The following TMC2 variants were observed in gnomAD, a reference collection of about 807,000 sequenced individuals.
TMC2 encodes the protein transmembrane channel like 2, also known as transmembrane channel-like protein 2.
Under a neutral mutation model 105.9 loss-of-function variants are expected in TMC2, and 102 were observed. The observed-to-expected ratio is 0.96, with a 90% confidence interval of 0.82 to 1.14. The LOEUF (loss-of-function observed/expected upper bound fraction) is 1.14, where lower values mean the gene tolerates loss of function less well. Ranked by LOEUF, TMC2 falls within the 50% of genes most tolerant of loss-of-function variation. The pLI, the probability that TMC2 is intolerant of heterozygous loss-of-function variation, is 0.00. For missense variants in TMC2, 1,093 were observed against 1,134.3 expected (o/e 0.96, Z 0.52); for synonymous variants, 402 against 422.8 (o/e 0.95, Z 0.60).
At chr20:2,590,535 T>C (rs1047119073) in intron 7 of TMC2, among the ~76,000 whole-genome samples, 1 of 151,976 alleles carries the variant, frequency 6.6e-6, no homozygotes, top group Non-Finnish European at 1.5e-5. Flanking sequence ...GAAGAACCTA[T>C]AAATTAAGAA....
intron 6 of TMC2, 128 bp from the exon 7 acceptor site, chr20:2,579,822 G>A: frequency 1.7e-6 from 1 of 590,648 alleles, no homozygotes; most frequent in East Asian, 2.9e-5. Flanking sequence ...TCCAGGAAAA[G>A]AAAGGGAGAT....
chr20:2,610,568 C>T lies in TMC2; in HGVS notation c.1563C>T (p.Leu521=). ...ALFLGNLYTF[L]LALMDDVHLK... is the part of the protein sequence containing the mutation. ...TCCTGGGGAACCTCTACACATTTCT[C>T]TTGGCCCTGATGGATGACGTCCACC... The change falls in exon 12 of 20, where the codon CTC becomes CTT. Residue 521 remains leucine (L), a synonymous_variant. Transcript: ENST00000358864. The T allele has an allele frequency of 3.1e-6, 5 of 1,608,072 alleles. No individual in the cohort carries two copies. The highest frequency in any genetic ancestry group is 1.7e-6 in the Non-Finnish European group (2 of 1,176,762).
At position 2,572,281 on chromosome 20, in the gene TMC2, G is replaced by A. The variant is rs747837186; in HGVS notation, c.645+12G>A. 1.1e-5 allele frequency: 18 copies of A among 1,599,352 alleles called. No homozygotes were observed. In the South Asian group the frequency reaches 1.2e-4, roughly 11 times the overall value. ...TGCTGATGGCCAAGGTGTGTGGGGT[G>A]GGGGCAGTGAATCTGTTGGGAGGGC... On this transcript the variant is annotated intron_variant, in intron 5 of 19. Coordinates refer to ENST00000358864, the MANE Select transcript of TMC2 (RefSeq NM_080751.3).
intron 17 of TMC2, among the ~76,000 whole-genome samples, chr20:2,632,313 C>G (rs1195013852): frequency 6.6e-6 from 1 of 152,088 alleles, no homozygotes; most frequent in Non-Finnish European, 1.5e-5. Flanking sequence ...ATTTCAACTC[C>G]AGAATTTCTA....
At chr20:2,595,255 C>T (rs983658301) in intron 9 of TMC2, among the ~76,000 whole-genome samples, 5 of 152,320 alleles carry the variant, frequency 3.3e-5, no homozygotes, top group Admixed American at 6.5e-5. Context: ...TGCAAAGGCC[C>T]TGAGGCCGCA....
Position 2,592,826 on chromosome 20 carries a change from CTT to C in TMC2, c.933+422_933+423del, listed in dbSNP as rs1344907946. 1.3e-5 allele frequency among the ~76,000 whole-genome samples: 2 copies of C among 152,328 alleles called. No individual in the cohort carries two copies. Among genetic ancestry groups the C allele is most frequent in the East Asian group, 3.9e-4 (2 of 5,186 alleles). ...ACCTATCCAGCCAAAACCCACATCT[CTT>C]TTTCCCAGCTCCTTTATTGGAATCA... On this transcript the variant is annotated intron_variant, in intron 8 of 19. Coordinates refer to ENST00000358864, the MANE Select transcript of TMC2 (RefSeq NM_080751.3). This position sits in a 1 kb window ranked among gnomAD's most constrained non-coding sequence, Gnocchi z 4.9.
At chr20:2,541,854 T>A (rs2122792957) in intron 2 of TMC2, among the ~76,000 whole-genome samples, 1 of 152,096 alleles carries the variant, frequency 6.6e-6, no homozygotes, top group Admixed American at 6.5e-5. Context: ...ATCCCATTAT[T>A]GACTTATTTT....
intron 2 of TMC2, among the ~76,000 whole-genome samples, chr20:2,549,486 T>G (rs62195065): frequency 0.062 from 9,448 of 152,318 alleles, 419 homozygotes; most frequent in Non-Finnish European, 0.09. Context: ...CTTACGTCTG[T>G]AATCCCAGCA....
intron 2 of TMC2, among the ~76,000 whole-genome samples, chr20:2,543,670 C>T (rs2085905482): frequency 6.6e-6 from 1 of 152,160 alleles, no homozygotes; most frequent in Non-Finnish European, 1.5e-5. Flanking sequence ...CATCTTAATA[C>T]AGACACTAAG....
intron 13 of TMC2, among the ~76,000 whole-genome samples, chr20:2,612,881 T>C (rs2086451789): frequency 6.6e-6 from 1 of 152,184 alleles, no homozygotes; most frequent in Non-Finnish European, 1.5e-5. Flanking sequence ...ATAGTCAATT[T>C]AACAGGCAAT....
chr20:2,614,023 A>G (rs1353677778), intron 14 of TMC2: 3 of 142,316 alleles, frequency 2.1e-5, no homozygotes, highest in Non-Finnish European at 4.5e-5. Flanking sequence ...TGGCCCAGGT[A>G]AGGGCCCCAG....
At chr20:2,586,272 C>A (rs73572240) in intron 7 of TMC2, among the ~76,000 whole-genome samples, 1,670 of 152,178 alleles carry the variant, frequency 0.011, 32 homozygotes, top group African/African-American at 0.038. Flanking sequence ...TGCACCAACA[C>A]AACAAACATA....
rs193154242 is a variant in TMC2 at position 2,641,124 on chromosome 20, C to T, written c.2504-10C>T. ...CCACTTCCTCTTTCTTGTCTTGGTT[C>T]GTTTTCCAGAGACCACTCCTCCCTC... is the stretch of plus-strand genomic sequence containing the variant. On this transcript the variant is annotated splice_polypyrimidine_tract_variant and intron_variant, in intron 19 of 19. Coordinates refer to ENST00000358864, the MANE Select transcript of TMC2 (RefSeq NM_080751.3). The T allele has an allele frequency of 2.9e-5, 47 of 1,612,766 alleles. 1 individual carries two copies. The highest frequency in any genetic ancestry group is 2.4e-4 in the African/African-American group (18 of 75,022).
intron 2 of TMC2, among the ~76,000 whole-genome samples, chr20:2,556,978 T>C (rs1215298778): frequency 1.3e-5 from 2 of 152,050 alleles, no homozygotes; most frequent in Non-Finnish European, 2.9e-5. Flanking sequence ...ACAGGTAAGG[T>C]GAGTTTTTTC....
Position 2,636,064 on chromosome 20 carries a change from C to T in TMC2, c.2385+60C>T. On this transcript the variant is annotated intron_variant, in intron 18 of 19. Coordinates refer to ENST00000358864, the MANE Select transcript of TMC2 (RefSeq NM_080751.3). The stretch of plus-strand genomic sequence containing the variant: ...AAAGAGATCATGTTTTTGGTTTTTG[C>T]TAATTTGCTGTGTGAGCCCAGCTGT... The T allele has an allele frequency of 3.4e-6, 5 of 1,477,348 alleles. No individual in the cohort carries two copies. The Middle Eastern group carries it at 6.9e-4, about 203-fold the overall frequency. The allele number at this position is 1,477,348 out of a possible 1,614,324, so 91.5% of individuals were successfully genotyped here.
intron 17 of TMC2, among the ~76,000 whole-genome samples, chr20:2,633,824 G>C (rs1178718880): frequency 6.6e-6 from 1 of 152,152 alleles, no homozygotes; most frequent in Non-Finnish European, 1.5e-5. Flanking sequence ...CTGGAATTTA[G>C]CTGTTTTCCT....
At chr20:2,634,360 C>A (rs147255677) in intron 17 of TMC2, among the ~76,000 whole-genome samples, 1 of 152,326 alleles carries the variant, frequency 6.6e-6, no homozygotes, top group Non-Finnish European at 1.5e-5. Flanking sequence ...AATGTAGAAT[C>A]CTTTCATTTG....
intron 4 of TMC2, among the ~76,000 whole-genome samples, chr20:2,570,351 CT>C (rs1185034303): frequency 6.6e-6 from 1 of 152,002 alleles, no homozygotes; most frequent in Non-Finnish European, 1.5e-5. Context: ...ATTTCTTGAT[CT>C]AGTAACATTC....
intron 19 of TMC2, among the ~76,000 whole-genome samples, chr20:2,638,519 G>A (rs542162647): frequency 6.6e-6 from 1 of 152,024 alleles, no homozygotes; most frequent in Non-Finnish European, 1.5e-5. Context: ...CTGTAAAACA[G>A]CCTCAGGCAG....
Sources: allele counts gnomAD v4.1 joint callset (sites outside exome capture counted in the v4.1 genomes callset), GRCh38; gene constraint gnomAD v4.1.1; non-coding constraint Gnocchi (gnomAD v3.1); transcripts MANE v1.5; gene names NCBI Gene and HGNC (gene_info 2026-07-23, HGNC 2026-07-21).